EPHA6: variants seen among roughly 807,000 people sequenced by gnomAD.
EPHA6 encodes the protein EPH receptor A6.
A neutral mutation model predicts 112.0 loss-of-function variants in EPHA6; 50 were observed. The ratio of observed to expected loss-of-function variants is 0.45; its 90% confidence interval spans 0.36 to 0.56. The LOEUF (loss-of-function observed/expected upper bound fraction) is 0.56. Ranked by LOEUF, EPHA6 falls within the 20% of genes least tolerant of loss-of-function variation. EPHA6 has a pLI of 0.00. For missense variants in EPHA6, 1,280 were observed against 1,417.4 expected (o/e 0.90, Z 1.56); for synonymous variants, 529 against 490.7 (o/e 1.08, Z -1.03).
At chr3:97,668,863 G>C (rs571518062) in intron 14 of EPHA6, among the ~76,000 whole-genome samples, 158 of 123,464 alleles carry the variant, frequency 1.3e-3, no homozygotes, top group African/African-American at 4.3e-3. Context: ...CAGTGAGCCA[G>C]ATGGTGCCAC....
chr3:96,881,406 A>G (rs1056634551), intron 2 of EPHA6, among the ~76,000 whole-genome samples: 4 of 152,144 alleles, frequency 2.6e-5, no homozygotes, highest in African/African-American at 9.7e-5. Context: ...AGAGAAGCCA[A>G]AGCAGAAACC....
At chr3:97,635,437 G>C (rs574127656) in intron 13 of EPHA6, among the ~76,000 whole-genome samples, 14 of 152,060 alleles carry the variant, frequency 9.2e-5, no homozygotes, top group Non-Finnish European at 1.8e-4. Flanking sequence ...ATCAACTGAT[G>C]AATACACAAA....
At chr3:97,677,664 T>C (rs866168806) in intron 14 of EPHA6, among the ~76,000 whole-genome samples, 4 of 142,348 alleles carry the variant, frequency 2.8e-5, no homozygotes, top group Admixed American at 7.7e-5. Flanking sequence ...GAGGTTGCAG[T>C]GAGCCAAGAC....
At chr3:97,647,622 A>G (rs540559122) in intron 14 of EPHA6, among the ~76,000 whole-genome samples, 1 of 152,176 alleles carries the variant, frequency 6.6e-6, no homozygotes, top group African/African-American at 2.4e-5. Flanking sequence ...AACAATACAT[A>G]TATAATTAGT....
intron 5 of EPHA6, among the ~76,000 whole-genome samples, chr3:97,329,111 C>A (rs1471096336): frequency 6.6e-6 from 1 of 152,086 alleles, no homozygotes; most frequent in African/African-American, 2.4e-5. Context: ...ATGATGGTTT[C>A]CAGCTTCATC....
chr3:97,356,561 ATTACT>A (rs202213106), intron 5 of EPHA6, among the ~76,000 whole-genome samples: 3,378 of 152,152 alleles, frequency 0.022, 141 homozygotes, highest in African/African-American at 0.078. Context: ...TGATACATTG[ATTACT>A]TTAGAGTGTG....
At chr3:97,468,421 AT>A (rs1307663052) in intron 7 of EPHA6, among the ~76,000 whole-genome samples, 3 of 151,212 alleles carry the variant, frequency 2.0e-5, no homozygotes, top group Non-Finnish European at 3.0e-5. Flanking sequence ...AGGAAAAAAA[AT>A]GACCCACATT....
intron 5 of EPHA6, among the ~76,000 whole-genome samples, chr3:97,359,854 G>A (rs2108928902): frequency 6.6e-6 from 1 of 152,142 alleles, no homozygotes; most frequent in South Asian, 2.1e-4. Context: ...GCTTTTCTAA[G>A]CTTGTGCCTT....
chr3:96,925,747 G>A (rs1445885327), intron 2 of EPHA6, among the ~76,000 whole-genome samples: 3 of 151,568 alleles, frequency 2.0e-5, no homozygotes, highest in African/African-American at 7.3e-5. Flanking sequence ...CTGGGATTAC[G>A]AGCGCCTGCC....
At chr3:97,207,354 A>C (rs2077741011) in intron 3 of EPHA6, among the ~76,000 whole-genome samples, 1 of 152,192 alleles carries the variant, frequency 6.6e-6, no homozygotes, top group South Asian at 2.1e-4. Context: ...ATACAAAGAT[A>C]GTTTATTCTC....
chr3:97,686,443 A>G (rs2032256479), intron 14 of EPHA6, among the ~76,000 whole-genome samples: 1 of 152,220 alleles, frequency 6.6e-6, no homozygotes, highest in Admixed American at 6.5e-5. Context: ...TAGGGAACTC[A>G]CAATCACAGC....
intron 14 of EPHA6, among the ~76,000 whole-genome samples, chr3:97,658,598 G>A (rs2094150712): frequency 6.6e-6 from 1 of 151,848 alleles, no homozygotes; most frequent in South Asian, 2.1e-4. Flanking sequence ...AAACGATTAG[G>A]TTTTGCTTGA....
chr3:97,597,599 A>G (rs989375504), intron 12 of EPHA6, among the ~76,000 whole-genome samples: 2 of 152,208 alleles, frequency 1.3e-5, no homozygotes, highest in South Asian at 2.1e-4. Context: ...CACATATCCA[A>G]TAATGTCATT....
At chr3:96,816,311 A>G (rs2032778539) in intron 1 of EPHA6, among the ~76,000 whole-genome samples, 2 of 152,328 alleles carry the variant, frequency 1.3e-5, no homozygotes, top group South Asian at 4.1e-4. Flanking sequence ...TTTGGAAACC[A>G]TACATAACCT....
intron 3 of EPHA6, among the ~76,000 whole-genome samples, chr3:97,182,856 C>T (rs1314565328): frequency 1.3e-5 from 2 of 151,956 alleles, no homozygotes; most frequent in African/African-American, 2.4e-5. Context: ...AAGGCCACAG[C>T]CTATGTTTTA....
intron 2 of EPHA6, among the ~76,000 whole-genome samples, chr3:96,982,379 T>C (rs28814642): frequency 0.17 from 26,258 of 152,174 alleles, 2,556 homozygotes; most frequent in Non-Finnish European, 0.22. Context: ...GTGAGTTTCT[T>C]AATCCTGAGT....
At chr3:97,741,482 C>T (rs999538607) in intron 16 of EPHA6, among the ~76,000 whole-genome samples, 5 of 152,086 alleles carry the variant, frequency 3.3e-5, no homozygotes, top group African/African-American at 1.2e-4. Context: ...ATAACTATGA[C>T]TGCCATTTGT....
intron 5 of EPHA6, among the ~76,000 whole-genome samples, chr3:97,265,968 C>G (rs1259760557): frequency 6.6e-6 from 1 of 152,214 alleles, no homozygotes; most frequent in Non-Finnish European, 1.5e-5. Flanking sequence ...ATCCCCTGCC[C>G]TAGATAACAC....
chr3:97,251,792 A>C (rs952507051), intron 5 of EPHA6, among the ~76,000 whole-genome samples: 3 of 152,184 alleles, frequency 2.0e-5, no homozygotes. Flanking sequence ...TGTCCAGTGA[A>C]AAATAAAAAT....
Sources: allele counts gnomAD v4.1 joint callset (sites outside exome capture counted in the v4.1 genomes callset), GRCh38; gene constraint gnomAD v4.1.1; transcripts MANE v1.5; gene names NCBI Gene and HGNC (gene_info 2026-07-23, HGNC 2026-07-21).